Variants in NRXN3 observed in about 807,000 individuals in gnomAD.
The protein encoded by NRXN3 is neurexin III.
NRXN3 carries 32 observed loss-of-function variants against 137.6 expected under a neutral mutation model. The ratio of observed to expected loss-of-function variants is 0.23; its 90% CI spans 0.18 to 0.31. The LOEUF (loss-of-function observed/expected upper bound fraction) is 0.31, where lower values mean the gene tolerates loss of function less well. NRXN3 is among the 10% of genes least tolerant of loss of function. The pLI is 1.00. For synonymous variants in NRXN3, 798 were observed against 784.5 expected (o/e 1.02, Z -0.29); for missense variants, 1,574 against 2,062.5 (o/e 0.76, Z 4.59).
chr14:79,530,934 T>A (rs534376823), intron 16 of NRXN3, among the ~76,000 whole-genome samples: 1 of 152,184 alleles, frequency 6.6e-6, no homozygotes, highest in Non-Finnish European at 1.5e-5. Flanking sequence ...TCCTTAGAAT[T>A]TATTGTTTAT....
chr14:78,232,919 G>T (rs2065647272), intron 1 of NRXN3, among the ~76,000 whole-genome samples: 1 of 152,232 alleles, frequency 6.6e-6, no homozygotes, highest in South Asian at 2.1e-4. Flanking sequence ...TGGGTTCCTG[G>T]CTGTACTGAG....
intron 5 of NRXN3, among the ~76,000 whole-genome samples, chr14:78,649,554 C>T (rs1343456426): frequency 7.0e-6 from 1 of 142,458 alleles, no homozygotes; most frequent in African/African-American, 2.6e-5. Context: ...TTTTTTCCCC[C>T]AAAAAATGCT....
intron 10 of NRXN3, among the ~76,000 whole-genome samples, chr14:78,883,625 T>C (rs1276940090): frequency 6.6e-6 from 1 of 152,222 alleles, no homozygotes; most frequent in African/African-American, 2.4e-5. Context: ...GTTGTCCTTT[T>C]GGATGAGGCT....
intron 19 of NRXN3, among the ~76,000 whole-genome samples, chr14:79,785,640 GC>G (rs2099127179): frequency 6.6e-6 from 1 of 151,844 alleles, no homozygotes; most frequent in Admixed American, 6.6e-5. Context: ...GGACAGTTAG[GC>G]CAAACACTTA....
chr14:79,025,203 A>G (rs1345453928), intron 15 of NRXN3, among the ~76,000 whole-genome samples: 3 of 152,076 alleles, frequency 2.0e-5, no homozygotes, highest in Admixed American at 6.6e-5. Flanking sequence ...TATCCTTTCA[A>G]ATCTAGACTG....
At chr14:79,257,688 G>A in intron 15 of NRXN3, among the ~76,000 whole-genome samples, 1 of 150,706 alleles carries the variant, frequency 6.6e-6, no homozygotes, top group Non-Finnish European at 1.5e-5. Flanking sequence ...ATGTGTTTGT[G>A]CATTTGAGAA....
intron 10 of NRXN3, among the ~76,000 whole-genome samples, chr14:78,887,422 T>C (rs1026170649): frequency 6.6e-6 from 1 of 151,962 alleles, no homozygotes; most frequent in African/African-American, 2.4e-5. Flanking sequence ...AGTAGTAAAA[T>C]TTTGCCACTA....
At chr14:78,803,449 T>A (rs770277626) in intron 8 of NRXN3, among the ~76,000 whole-genome samples, 171 bp from the exon 9 acceptor site, 2 of 152,164 alleles carry the variant, frequency 1.3e-5, no homozygotes, top group Non-Finnish European at 2.9e-5. Context: ...GGTTAAGTGG[T>A]CTGCCCAGCG....
At chr14:79,823,823 A>AGATGATGAT (rs1332995527) in intron 20 of NRXN3, 1 of 364,260 alleles carries the variant, frequency 2.7e-6, no homozygotes, top group Non-Finnish European at 6.1e-6. Context: ...AGGAATTCAA[A>AGATGATGAT]GATGATGATG....
chr14:79,268,829 T>C (rs568338329), intron 15 of NRXN3, among the ~76,000 whole-genome samples: 13 of 152,192 alleles, frequency 8.5e-5, no homozygotes, highest in Non-Finnish European at 1.3e-4. Context: ...ATATATCTTA[T>C]ACACATTAAT....
At chr14:79,848,943 G>T (rs2099386172) in intron 20 of NRXN3, among the ~76,000 whole-genome samples, 1 of 152,090 alleles carries the variant, frequency 6.6e-6, no homozygotes, top group Admixed American at 6.6e-5. Context: ...CAGAACTTTG[G>T]ATTCCCCAAA....
intron 15 of NRXN3, among the ~76,000 whole-genome samples, chr14:79,222,343 A>G (rs994968175): frequency 2.0e-5 from 3 of 151,772 alleles, no homozygotes; most frequent in African/African-American, 4.8e-5. Context: ...ATTACTTTTT[A>G]TGGTTCAATA....
At chr14:78,513,069 T>C (rs573947497) in intron 4 of NRXN3, among the ~76,000 whole-genome samples, 43 of 152,290 alleles carry the variant, frequency 2.8e-4, no homozygotes, top group Non-Finnish European at 4.7e-4. Context: ...TTTGGATCTC[T>C]GGTCTGGGAG....
intron 4 of NRXN3, among the ~76,000 whole-genome samples, chr14:78,552,966 A>G (rs1216629688): frequency 2.0e-5 from 3 of 152,184 alleles, no homozygotes; most frequent in Non-Finnish European, 2.9e-5. Flanking sequence ...ATTATCACAT[A>G]TATCTTGAAA....
intron 10 of NRXN3, among the ~76,000 whole-genome samples, chr14:78,842,972 C>T (rs942566247): frequency 6.6e-5 from 10 of 152,092 alleles, no homozygotes; most frequent in Non-Finnish European, 1.5e-4. Context: ...AACACACATG[C>T]TCTACAAACA....
At position 79,504,655 on chromosome 14, in the gene NRXN3, GTA is replaced by G. The variant is rs994714026; in HGVS notation, c.3444+37272_3444+37273del. Among the ~76,000 whole-genome samples, 198 of 104,180 alleles carry G rather than the reference GTA, an allele frequency of 1.9e-3. 5 individuals carry two copies. Among genetic ancestry groups the G allele is most frequent in the East Asian group, 0.012 (51 of 4,166 alleles). The allele number at this position is 104,180 out of a possible 152,430, so 68.3% of individuals were successfully genotyped here. On this transcript the variant is annotated intron_variant, in intron 16 of 20. Transcript: ENST00000335750. The stretch of plus-strand genomic sequence containing the variant: ...AATGAAGTTTTTTATATATATATAT[GTA>G]TATATATATATATATATAAAACATT...
intron 16 of NRXN3, among the ~76,000 whole-genome samples, chr14:79,484,948 A>G (rs1434445686): frequency 6.6e-6 from 1 of 152,224 alleles, no homozygotes; most frequent in African/African-American, 2.4e-5. Context: ...AAAATCTTTC[A>G]TATTAAGCAT....
At chr14:79,295,066 G>A (rs576817244) in intron 15 of NRXN3, among the ~76,000 whole-genome samples, 1 of 152,058 alleles carries the variant, frequency 6.6e-6, no homozygotes, top group South Asian at 2.1e-4. Flanking sequence ...CATTTCCTCT[G>A]TACTCAGAAC....
chr14:79,591,516 A>G (rs2097803197), intron 16 of NRXN3, among the ~76,000 whole-genome samples: 1 of 152,254 alleles, frequency 6.6e-6, no homozygotes, highest in Non-Finnish European at 1.5e-5. Flanking sequence ...ACAAATCTGC[A>G]AAGAAAAAGT....
Sources: gnomAD v4.1 joint callset for allele counts (sites outside exome capture counted in the v4.1 genomes callset) on GRCh38, gnomAD v4.1.1 for gene constraint, MANE v1.5 for transcripts, NCBI Gene and HGNC (gene_info 2026-07-23, HGNC 2026-07-21) for gene names.